The following JAKMIP1 variants were observed in gnomAD, a reference collection of about 807,000 sequenced individuals.
JAKMIP1 encodes the protein janus kinase and microtubule-interacting protein 1.
Under a neutral mutation model 113.0 loss-of-function variants are expected in JAKMIP1, and 33 were observed. The observed-to-expected ratio is 0.29, with a 90% confidence interval of 0.22 to 0.39. The LOEUF is 0.39. Among genes scored for constraint, JAKMIP1 ranks in the 10% least tolerant of loss-of-function variants. JAKMIP1 has a pLI of 1.00. For missense variants in JAKMIP1, 813 were observed against 1,080.5 expected, an observed-to-expected ratio of 0.75 and a Z score of 3.47; for synonymous variants, 480 against 459.9, an observed-to-expected ratio of 1.04 and a Z score of -0.56.
Position 6,194,003 on chromosome 4 carries a change from A to G in JAKMIP1, c.-148+6250T>C, listed in dbSNP as rs1449682540. Among the ~76,000 whole-genome samples the G allele has an allele frequency of 6.6e-6, 1 of 152,186 alleles. No homozygotes were observed. The highest frequency in any genetic ancestry group is 1.5e-5 in the Non-Finnish European group (1 of 68,032). On this transcript the variant is annotated intron_variant, in intron 1 of 20. Coordinates refer to ENST00000409021, the MANE Select transcript of JAKMIP1 (RefSeq NM_001099433.2). The surrounding 1 kb of genome is among the most constrained non-coding windows in gnomAD (Gnocchi z 7.4). ...ATGACACTTGATGACACTTGCTATA[A>G]CATGGGTGAACCCTGAAAATATCAG...
At chr4:6,033,414 T>C (rs1713000580) in intron 19 of JAKMIP1, among the ~76,000 whole-genome samples, 2 of 152,150 alleles carry the variant, frequency 1.3e-5, no homozygotes, top group South Asian at 4.1e-4. Flanking sequence ...ATGATGAATA[T>C]AAAGGTGAGA....
intron 1 of JAKMIP1, among the ~76,000 whole-genome samples, chr4:6,125,958 CGCACACCATACAT>C (rs1412289832): frequency 6.7e-5 from 8 of 119,528 alleles, no homozygotes; most frequent in South Asian, 3.0e-4. Flanking sequence ...ACCATGCACA[CGCACACCATACAT>C]ACCATGCAGA....
In JAKMIP1 at chr4:6,168,972, A is replaced by T. The variant is rs58100163; in HGVS notation, c.-148+31281T>A. On this transcript the variant is annotated intron_variant, in intron 1 of 20. Transcript: ENST00000409021. The surrounding 1 kb of genome is among the most constrained non-coding windows in gnomAD (Gnocchi z 4.6). The stretch of plus-strand genomic sequence containing the variant: ...TAGTGGTTGTCAGGGGTCACGTGAA[A>T]GGAAGAGTTGGTGGTGGGGACTGTT... Among the ~76,000 whole-genome samples the T allele has an allele frequency of 0.027, 4,073 of 152,164 alleles. 177 individuals carry two copies. The highest frequency in any genetic ancestry group is 0.091 in the African/African-American group (3,758 of 41,522).
At chr4:6,148,185 C>T (rs1350825953) in intron 1 of JAKMIP1, among the ~76,000 whole-genome samples, 2 of 152,192 alleles carry the variant, frequency 1.3e-5, no homozygotes, top group South Asian at 2.1e-4. Context: ...ACTGGACTCT[C>T]GTGTACCCCC....
At chr4:6,173,028 C>A (rs1184934643) in intron 1 of JAKMIP1, among the ~76,000 whole-genome samples, 2 of 152,190 alleles carry the variant, frequency 1.3e-5, no homozygotes, top group Admixed American at 1.3e-4. Context: ...TAGCAGGAGG[C>A]TAACCCGATT....
Position 6,050,244 on chromosome 4 carries a change from C to T in JAKMIP1, c.1908+334G>A, listed in dbSNP as rs982405061. On this transcript the variant is annotated intron_variant, in intron 14 of 20. Transcript: ENST00000409021. The surrounding 1 kb of genome is among the most constrained non-coding windows in gnomAD (Gnocchi z 7.4). ...GAGGGCCAGGCACTTGGAGTCTGTT[C>T]ATGATGTGTCATCACCCCAGCTTCA... 3.3e-5 allele frequency among the ~76,000 whole-genome samples: 5 copies of T among 152,174 alleles called. No individual in the cohort carries two copies. Among genetic ancestry groups the T allele is most frequent in the African/African-American group, 1.2e-4 (5 of 41,438 alleles).
intron 19 of JAKMIP1, among the ~76,000 whole-genome samples, chr4:6,030,451 C>T (rs13105242): frequency 0.56 from 85,707 of 151,974 alleles, 24,712 homozygotes; most frequent in Non-Finnish European, 0.63. Context: ...TGGCACCGCA[C>T]CTGCAGAATT....
rs1276720677 is a variant in JAKMIP1 at position 6,162,284 on chromosome 4, A to C, written c.-148+37969T>G. Among the ~76,000 whole-genome samples the C allele has an allele frequency of 1.3e-5, 2 of 152,304 alleles. No individual in the cohort carries two copies. Among genetic ancestry groups the C allele is most frequent in the South Asian group, 2.1e-4 (1 of 4,826 alleles). On this transcript the variant is annotated intron_variant, in intron 1 of 20. Coordinates refer to ENST00000409021, the MANE Select transcript of JAKMIP1 (RefSeq NM_001099433.2). The surrounding 1 kb of genome is among the most constrained non-coding windows in gnomAD (Gnocchi z 5.6). The stretch of plus-strand genomic sequence containing the variant: ...GGCCTACCTAGGTGGTGACAGGGCC[A>C]GCAGAGGAGAGACTCACCAGGACAC...
chr4:6,136,455 C>G lies in JAKMIP1; in HGVS notation c.-147-23458G>C, dbSNP rs1278904690. The stretch of plus-strand genomic sequence containing the variant: ...ACGTTGAGGGACCTGCTGGAAGGAA[C>G]TCGGTATCAGTCCAGAGTGATCTAT... On this transcript the variant is annotated intron_variant, in intron 1 of 20. Transcript: ENST00000409021. The surrounding 1 kb of genome is among the most constrained non-coding windows in gnomAD (Gnocchi z 5.9). Among the ~76,000 whole-genome samples, 2 of 152,068 alleles carry G rather than the reference C, an allele frequency of 1.3e-5. No individual in the cohort carries two copies. Among genetic ancestry groups the G allele is most frequent in the Non-Finnish European group, 2.9e-5 (2 of 68,018 alleles).
chr4:6,081,534 C>A lies in JAKMIP1; in HGVS notation c.1101+75G>T. The A allele has an allele frequency of 1.3e-6, 2 of 1,547,882 alleles. No homozygotes were observed. Among genetic ancestry groups the A allele is most frequent in the South Asian group, 1.2e-5 (1 of 84,410 alleles). On this transcript the variant is annotated intron_variant, in intron 6 of 20. Coordinates refer to ENST00000409021, the MANE Select transcript of JAKMIP1 (RefSeq NM_001099433.2). The surrounding 1 kb of genome is among the most constrained non-coding windows in gnomAD (Gnocchi z 4.6). The stretch of plus-strand genomic sequence containing the variant: ...CAGGTGCGCCCCAGAACATGTGAAT[C>A]GGGAGGTTCAGGGCTGAAGAATCCC...
intron 1 of JAKMIP1, among the ~76,000 whole-genome samples, chr4:6,191,918 T>TTTATTTATTTA (rs1553866646): frequency 6.7e-6 from 1 of 148,488 alleles, no homozygotes; most frequent in Non-Finnish European, 1.5e-5. Context: ...GTGCATTTTA[T>TTTATTTATTTA]TTATTTATTT....
rs1355794132 is a variant in JAKMIP1, at chr4:6,154,668, A to G, written c.-147-41671T>C. 6.6e-6 allele frequency among the ~76,000 whole-genome samples: 1 copy of G among 151,652 alleles called. No individual in the cohort carries two copies. The highest frequency in any genetic ancestry group is 1.5e-5 in the Non-Finnish European group (1 of 67,950). ...TGTGCCCAACTCTGCAGCCCTGGCAAATGGAATTCTTTTCAATCCGGCCCG... is the reference window on the plus strand; with the variant it reads ...TGTGCCCAACTCTGCAGCCCTGGCAGATGGAATTCTTTTCAATCCGGCCCG... On this transcript the variant is annotated intron_variant, in intron 1 of 20. Coordinates refer to ENST00000409021, the MANE Select transcript of JAKMIP1 (RefSeq NM_001099433.2). The surrounding 1 kb of genome is among the most constrained non-coding windows in gnomAD (Gnocchi z 4.2).
chr4:6,179,602 G>A lies in JAKMIP1; in HGVS notation c.-148+20651C>T, dbSNP rs1214907024. ...AAGGTGACCCTGCTCATTGCACCAG[G>A]CAGAGAACAAGGGAAGGGAAGTGGC... On this transcript the variant is annotated intron_variant, in intron 1 of 20. Transcript: ENST00000409021. The surrounding 1 kb of genome is among the most constrained non-coding windows in gnomAD (Gnocchi z 4.5). Among the ~76,000 whole-genome samples, 1 of 152,218 alleles carries A rather than the reference G, an allele frequency of 6.6e-6. No homozygotes were observed. The highest frequency in any genetic ancestry group is 1.5e-5 in the Non-Finnish European group (1 of 68,050).
Position 6,049,434 on chromosome 4 carries a change from C to G in JAKMIP1, c.1962+385G>C, listed in dbSNP as rs75133677. Among the ~76,000 whole-genome samples, 412 of 152,286 alleles carry G rather than the reference C, an allele frequency of 2.7e-3. 4 individuals carry two copies. The highest frequency in any genetic ancestry group is 0.027 in the East Asian group (138 of 5,188). ...CGCCTCAGGCAGACAGCTCCTGTCC[C>G]TCTGGTTGGGGACATTTCACAGAGT... On this transcript the variant is annotated intron_variant, in intron 15 of 20. Transcript: ENST00000409021. This position sits in a 1 kb window ranked among gnomAD's most constrained non-coding sequence, Gnocchi z 7.0.
Position 6,042,977 on chromosome 4 carries a change from TGAGCACG to T in JAKMIP1, c.2029-757_2029-751del, listed in dbSNP as rs1372731964. Among the ~76,000 whole-genome samples the T allele has an allele frequency of 6.6e-6, 1 of 151,040 alleles. No homozygotes were observed. Among genetic ancestry groups the T allele is most frequent in the Non-Finnish European group, 1.5e-5 (1 of 67,756 alleles). On this transcript the variant is annotated intron_variant, in intron 16 of 20. Coordinates refer to ENST00000409021, the MANE Select transcript of JAKMIP1 (RefSeq NM_001099433.2). The surrounding 1 kb of genome is among the most constrained non-coding windows in gnomAD (Gnocchi z 5.2). ...TTCCCTCTGGGGTCTGGGCTGGGGG[TGAGCACG>T]GAGGCAGGTGTCATACGTGGATGTG...
At position 6,049,510 on chromosome 4, in the gene JAKMIP1, C is replaced by T. The variant is rs562423723; in HGVS notation, c.1962+309G>A. Among the ~76,000 whole-genome samples the T allele has an allele frequency of 2.2e-4, 33 of 152,064 alleles. No individual in the cohort carries two copies. Among genetic ancestry groups the T allele is most frequent in the South Asian group, 1.2e-3 (6 of 4,802 alleles). ...CTACATGCAAGCTCATCTTTCAGGA[C>T]GGCAAAAAGATCCCTTTCTGATTTC... On this transcript the variant is annotated intron_variant, in intron 15 of 20. Coordinates refer to ENST00000409021, the MANE Select transcript of JAKMIP1 (RefSeq NM_001099433.2). The surrounding 1 kb of genome is among the most constrained non-coding windows in gnomAD (Gnocchi z 7.0).
chr4:6,109,001 G>C (rs1172647079), intron 2 of JAKMIP1, among the ~76,000 whole-genome samples: 2 of 152,232 alleles, frequency 1.3e-5, no homozygotes, highest in Non-Finnish European at 2.9e-5. Context: ...GCAGTGATGG[G>C]CACGCCTGGT....
chr4:6,097,683 T>A lies in JAKMIP1; in HGVS notation c.624+7790A>T, dbSNP rs1712052492. On this transcript the variant is annotated intron_variant, in intron 3 of 20. Transcript: ENST00000409021. The surrounding 1 kb of genome is among the most constrained non-coding windows in gnomAD (Gnocchi z 4.3). ...AACTCCATAAGGATGGGGGAAGCTT[T>A]ACAGATCACTTCCCCATTTTGCAAC... Among the ~76,000 whole-genome samples, 1 of 152,206 alleles carries A rather than the reference T, an allele frequency of 6.6e-6. No individual in the cohort carries two copies. Among genetic ancestry groups the A allele is most frequent in the South Asian group, 2.1e-4 (1 of 4,830 alleles).
intron 3 of JAKMIP1, among the ~76,000 whole-genome samples, chr4:6,104,488 C>G (rs1301477292): frequency 6.6e-6 from 1 of 152,228 alleles, no homozygotes; most frequent in East Asian, 1.9e-4. Context: ...GCCAGACCAG[C>G]TTTGCTTTTA....
Sources: allele counts gnomAD v4.1 joint callset (sites outside exome capture counted in the v4.1 genomes callset), GRCh38; gene constraint gnomAD v4.1.1; non-coding constraint Gnocchi (gnomAD v3.1); transcripts MANE v1.5; gene names NCBI Gene and HGNC (gene_info 2026-07-23, HGNC 2026-07-21).